ANK3: variants seen among roughly 807,000 people sequenced by gnomAD.
ANK3 encodes the protein ankyrin-3.
In ANK3, 57 loss-of-function variants were observed where a neutral mutation model predicts 370.9. That is an observed-to-expected ratio of 0.15 (90% CI 0.12 to 0.19). The LOEUF is 0.19. Ranked by LOEUF, ANK3 falls within the 10% of genes least tolerant of loss-of-function variation. The pLI is 1.00. For synonymous variants in ANK3, 1,929 were observed against 1,946.3 expected, an observed-to-expected ratio of 0.99 and a Z score of 0.23; for missense variants, 4,439 against 5,302.1, an observed-to-expected ratio of 0.84 and a Z score of 5.06.
chr10:60,450,508 A>G (rs2064570961), intron 2 of ANK3, among the ~76,000 whole-genome samples: 1 of 152,194 alleles, frequency 6.6e-6, no homozygotes, highest in Non-Finnish European at 1.5e-5. Flanking sequence ...ATTGTTAGCC[A>G]AAGAAGTGGG....
chr10:60,684,433 C>A (rs762181701), intron 1 of ANK3: 5 of 821,268 alleles, frequency 6.1e-6, no homozygotes, highest in Admixed American at 5.3e-5. Context: ...ATAGTTGGAT[C>A]ACCTACGAAG....
intron 10 of ANK3, among the ~76,000 whole-genome samples, chr10:60,206,445 C>T (rs1041767760): frequency 6.6e-6 from 1 of 151,276 alleles, no homozygotes; most frequent in Admixed American, 6.6e-5. Flanking sequence ...TGCACTCCAG[C>T]CTGGGCAACA....
Position 60,213,556 on chromosome 10 carries a change from C to T in ANK3, c.898-46G>A, listed in dbSNP as rs1210323063. On this transcript the variant is annotated intron_variant, in intron 8 of 43. Coordinates refer to ENST00000280772, the MANE Select transcript of ANK3 (RefSeq NM_020987.5). ...CACCAATTAAATTTGACAATAAATT[C>T]TATGAGTGCAGTGTACTTCTTCAAG... 4 of 1,341,592 alleles carry T rather than the reference C, an allele frequency of 3.0e-6. No individual in the cohort carries two copies. The Admixed American group carries it at 7.3e-5, about 25-fold the overall frequency. The allele number at this position is 1,341,592 out of a possible 1,614,324, so 83.1% of individuals were successfully genotyped here.
At chr10:60,577,204 G>T (rs957833279) in intron 2 of ANK3, among the ~76,000 whole-genome samples, 1 of 152,094 alleles carries the variant, frequency 6.6e-6, no homozygotes, top group Non-Finnish European at 1.5e-5. Flanking sequence ...ATTGTCTTAG[G>T]CTAAGGATGG....
At chr10:60,039,397 C>G (rs988896391) in intron 43 of ANK3, among the ~76,000 whole-genome samples, 4 of 152,058 alleles carry the variant, frequency 2.6e-5, no homozygotes, top group Non-Finnish European at 5.9e-5. Context: ...CAAATCAGCC[C>G]CCTTTTTTGG....
chr10:60,510,318 T>A (rs976189373), intron 2 of ANK3, among the ~76,000 whole-genome samples: 1 of 152,138 alleles, frequency 6.6e-6, no homozygotes, highest in Non-Finnish European at 1.5e-5. Flanking sequence ...TTGAATGTTC[T>A]GGCACATGCG....
At position 60,491,755 on chromosome 10, in the gene ANK3, G is replaced by T. The variant is rs1409451886; in HGVS notation, c.96+123431C>A. On this transcript the variant is annotated intron_variant, in intron 2 of 43. Coordinates refer to the ANK3 transcript ENST00000373827. ...GTAGTGCTTAAGAGTACTGATCTAG[G>T]AGCCAGACTGCCTAAGGTCAAATCT... 2.0e-5 allele frequency among the ~76,000 whole-genome samples: 3 copies of T among 152,104 alleles called. No individual in the cohort carries two copies. In the East Asian group the frequency reaches 5.8e-4, roughly 29 times the overall value.
At position 60,074,517 on chromosome 10, in the gene ANK3, T is replaced by G; in HGVS notation, c.6364A>C (p.Lys2122Gln). The G allele has an allele frequency of 6.2e-7, 1 of 1,613,804 alleles. No homozygotes were observed. The highest frequency in any genetic ancestry group is 8.5e-7 in the Non-Finnish European group (1 of 1,179,924). Residue 2122 changes from lysine to glutamine, a missense_variant, in exon 37 of 44, where the codon AAA (lysine) becomes CAA (glutamine). This residue lies in a region of ANK3 where 679 missense variants were observed against 791.0 expected (regional missense o/e 0.86). Coordinates refer to ENST00000280772, the MANE Select transcript of ANK3 (RefSeq NM_020987.5). ...AAGCCACTGTCAGACAAGGGACTTT[T>G]ATCTTGGTCGTGTTGAGAAAAGTCA... ...PDDFSQHDQDKSPLSDSGFET... is the reference protein window; with the variant it reads ...PDDFSQHDQDQSPLSDSGFET...
rs143654869 is a variant in ANK3, at chr10:60,188,186, A to G, written c.1888-1274T>C. 1.1e-3 allele frequency among the ~76,000 whole-genome samples: 174 copies of G among 152,348 alleles called. 1 individual carries two copies. The East Asian group carries it at 0.032, about 28-fold the overall frequency. ...TTGAATCAAGAGTACTAGAGCTTTC[A>G]GCATATTCTGGCATCCTTTTCTTGG... On this transcript the variant is annotated intron_variant, in intron 16 of 43. Transcript: ENST00000280772.
At chr10:60,700,809 A>G (rs561878088) in intron 1 of ANK3, among the ~76,000 whole-genome samples, 3 of 152,186 alleles carry the variant, frequency 2.0e-5, no homozygotes, top group Non-Finnish European at 4.4e-5. Flanking sequence ...AGAGATTTAA[A>G]TGTAAATATG....
intron 7 of ANK3, among the ~76,000 whole-genome samples, chr10:60,255,579 T>C (rs200257939): frequency 6.6e-6 from 1 of 152,186 alleles, no homozygotes; most frequent in South Asian, 2.1e-4. Context: ...GTACAGGCTG[T>C]GATGCTCACC....
chr10:60,288,883 A>G (rs1014630618), intron 1 of ANK3, among the ~76,000 whole-genome samples: 1 of 129,906 alleles, frequency 7.7e-6, no homozygotes, highest in African/African-American at 3.2e-5. Flanking sequence ...TCTCCCAGGT[A>G]GGAATAACAC....
At chr10:60,684,970 C>G in intron 1 of ANK3, 2 of 1,555,224 alleles carry the variant, frequency 1.3e-6, no homozygotes. Flanking sequence ...AACAGGTGAA[C>G]TGAGCTCATC....
chr10:60,115,108 C>T (rs1243420107), intron 25 of ANK3, among the ~76,000 whole-genome samples: 3 of 152,090 alleles, frequency 2.0e-5, no homozygotes, highest in African/African-American at 4.8e-5. Flanking sequence ...AGAAATATCT[C>T]TGAAGAGCAT....
chr10:60,098,225 G>C (rs2090523643), intron 28 of ANK3, among the ~76,000 whole-genome samples: 1 of 152,016 alleles, frequency 6.6e-6, no homozygotes. Context: ...TTCTTTTCGA[G>C]GTCACACAGC....
Position 60,075,474 on chromosome 10 carries a change from A to G in ANK3, c.5407T>C (p.Ser1803Pro), listed in dbSNP as rs748336491. 5 of 1,612,774 alleles carry G rather than the reference A, an allele frequency of 3.1e-6. No homozygotes were observed. The highest frequency in any genetic ancestry group is 4.2e-6 in the Non-Finnish European group (5 of 1,179,978). ...RTPSASALYT[S>P]LGSSISATTS... ...GTTGCAGATATTGACGACCCAAGGG[A>G]TGTATAGAGTGCACTTGCGGAAGGA... The change falls in exon 37 of 44, where the codon TCC (serine) becomes CCC (proline). Residue 1803 changes from serine to proline, a missense_variant. Physicochemically the swap from Ser to Pro is moderately conservative, Grantham distance 74. Around this residue, in one of 13 missense-constraint regions of ANK3, gnomAD observed 679 missense variants for 791.0 expected, o/e 0.86. Transcript: ENST00000280772.
In ANK3 at chr10:60,458,227, C is replaced by T. The variant is rs151305193; in HGVS notation, c.96+156959G>A. Among the ~76,000 whole-genome samples, 577 of 152,188 alleles carry T rather than the reference C, an allele frequency of 3.8e-3. 2 individuals are homozygous for T. The highest frequency in any genetic ancestry group is 0.013 in the African/African-American group (557 of 41,558). On this transcript the variant is annotated intron_variant, in intron 2 of 43. Coordinates refer to the ANK3 transcript ENST00000373827. Reference sequence around the variant, plus strand: ...CTGGGAAATGAAAGTGTACTCTCTCCTTTCATGTTCTTTCATTTGAAACTA... The same window carrying T: ...CTGGGAAATGAAAGTGTACTCTCTCTTTTCATGTTCTTTCATTTGAAACTA...
intron 2 of ANK3, among the ~76,000 whole-genome samples, chr10:60,424,756 T>C (rs2063845890): frequency 6.6e-6 from 1 of 152,078 alleles, no homozygotes; most frequent in South Asian, 2.1e-4. Flanking sequence ...ATCTAGATGA[T>C]AATATCCCTC....
chr10:60,385,026 C>T (rs1242850924), intron 1 of ANK3, among the ~76,000 whole-genome samples: 1 of 152,166 alleles, frequency 6.6e-6, no homozygotes. Context: ...GCTGCTACAA[C>T]ACGGATGCTT....
Sources: gnomAD v4.1 joint callset for allele counts (sites outside exome capture counted in the v4.1 genomes callset) on GRCh38, gnomAD v4.1.1 for gene constraint, gnomAD v4.1.1 regional missense constraint, MANE v1.5 for transcripts, NCBI Gene and HGNC (gene_info 2026-07-23, HGNC 2026-07-21) for gene names.